AGTPBP1: variants seen among roughly 807,000 people sequenced by gnomAD.
AGTPBP1 encodes the protein ATP/GTP binding carboxypeptidase 1.
In AGTPBP1, 70 loss-of-function variants were observed where a neutral mutation model predicts 143.9. The observed-to-expected ratio is 0.49, with a 90% confidence interval of 0.40 to 0.59. The LOEUF is 0.59. Ranked by LOEUF, AGTPBP1 falls within the 20% of genes least tolerant of loss-of-function variation. The probability of loss-of-function intolerance (pLI) is 0.00; values close to 1 mark genes in which losing one functional copy is unlikely to be tolerated. For missense variants in AGTPBP1, 1,229 were observed against 1,464.5 expected, an observed-to-expected ratio of 0.84 and a Z score of 2.62; for synonymous variants, 463 against 500.2, an observed-to-expected ratio of 0.93 and a Z score of 0.99.
chr9:85,629,348 GA>G (rs1831510216), intron 14 of AGTPBP1, among the ~76,000 whole-genome samples: 1 of 152,192 alleles, frequency 6.6e-6, no homozygotes, highest in Non-Finnish European at 1.5e-5. Flanking sequence ...CCATGTTTCA[GA>G]AACAAGGTGA....
At chr9:85,660,910 A>T in intron 9 of AGTPBP1, 26 bp downstream of exon 9, 1 of 1,489,554 alleles carries the variant, frequency 6.7e-7, no homozygotes, top group Non-Finnish European at 9.1e-7. Flanking sequence ...AATAGTATCT[A>T]GTATTTCTAG....
the AGTPBP1 span, among the ~76,000 whole-genome samples, chr9:85,798,331 C>T: frequency 6.7e-6 from 1 of 150,074 alleles, no homozygotes; most frequent in Non-Finnish European, 1.5e-5. Context: ...TGTTTTCTGG[C>T]TTTCTGTACT....
chr9:85,665,867 T>G (rs1834100222), intron 8 of AGTPBP1, among the ~76,000 whole-genome samples: 1 of 152,172 alleles, frequency 6.6e-6, no homozygotes, highest in Non-Finnish European at 1.5e-5. Flanking sequence ...TTTTACCAAA[T>G]GTTATTTAAG....
At chr9:85,769,441 C>T in the AGTPBP1 span, among the ~76,000 whole-genome samples, 4 of 149,388 alleles carry the variant, frequency 2.7e-5, no homozygotes, top group Non-Finnish European at 5.9e-5. Context: ...GTCCCAGCTA[C>T]TCAGGAGGGC....
rs143330687 is a variant in AGTPBP1, at chr9:85,721,614, C to G, written c.-33-9048G>C. On this transcript the variant is annotated intron_variant, in intron 1 of 25. Transcript: ENST00000357081. Reference sequence around the variant, plus strand: ...AATACAGCACACAAATGGGTCTTGACTCTTTATCCAATTTGCCAGTCTATG... The same window carrying G: ...AATACAGCACACAAATGGGTCTTGAGTCTTTATCCAATTTGCCAGTCTATG... 4.5e-4 allele frequency among the ~76,000 whole-genome samples: 68 copies of G among 151,820 alleles called. 1 individual carries two copies. In the East Asian group the frequency reaches 0.011, roughly 26 times the overall value.
At chr9:85,738,349 T>C (rs1269095807) in intron 1 of AGTPBP1, among the ~76,000 whole-genome samples, 1 of 151,882 alleles carries the variant, frequency 6.6e-6, no homozygotes, top group East Asian at 1.9e-4. Flanking sequence ...CTAGGAAAAT[T>C]ATATGAAAGC....
At chr9:85,799,049 TC>T in the AGTPBP1 span, among the ~76,000 whole-genome samples, 1 of 152,168 alleles carries the variant, frequency 6.6e-6, no homozygotes, top group Non-Finnish European at 1.5e-5. Flanking sequence ...TTCTCATTGT[TC>T]AATTCCCATC....
rs750960791 is a variant in AGTPBP1 at position 85,633,159 on chromosome 9, A to G, written c.1518T>C (p.Asp506=). 5 of 1,613,546 alleles carry G rather than the reference A, an allele frequency of 3.1e-6. No homozygotes were observed. Among genetic ancestry groups the G allele is most frequent in the Middle Eastern group, 1.6e-4 (1 of 6,078 alleles). The part of the protein sequence containing the change: ...DLAKEDIKDN[D]RTLQQQPGDQ... ...CACCTGGCTGCTGTTGTAATGTTCT[A>G]TCATTATCTTTAATATCTTCTTTTG... is the stretch of plus-strand genomic sequence containing the variant. Residue 506 remains aspartate, a synonymous_variant, in exon 14 of 26, where the codon GAT becomes GAC. Coordinates refer to ENST00000357081, the MANE Select transcript of AGTPBP1 (RefSeq NM_001330701.2).
At chr9:85,685,458 G>A (rs560162980) in intron 3 of AGTPBP1, among the ~76,000 whole-genome samples, 103 of 152,036 alleles carry the variant, frequency 6.8e-4, no homozygotes, top group Non-Finnish European at 1.2e-3. Flanking sequence ...ATAAAATGGT[G>A]GAAACACAAT....
At chr9:85,694,058 G>A (rs1836069565) in intron 2 of AGTPBP1, among the ~76,000 whole-genome samples, 1 of 140,900 alleles carries the variant, frequency 7.1e-6, no homozygotes, top group African/African-American at 2.7e-5. Flanking sequence ...GGTAGGCATG[G>A]GAGAGAACAG....
intron 8 of AGTPBP1, among the ~76,000 whole-genome samples, chr9:85,666,643 C>T (rs1053174871): frequency 6.6e-6 from 1 of 151,976 alleles, no homozygotes; most frequent in African/African-American, 2.4e-5. Context: ...TTTGGATATA[C>T]CCCATGTGGT....
chr9:85,674,949 T>C (rs945137140), intron 6 of AGTPBP1, among the ~76,000 whole-genome samples: 1 of 152,020 alleles, frequency 6.6e-6, no homozygotes. Flanking sequence ...CAAGCTGGAG[T>C]GCAGTGGTAC....
At chr9:85,610,089 G>A (rs1830225670) in intron 17 of AGTPBP1, among the ~76,000 whole-genome samples, 1 of 152,184 alleles carries the variant, frequency 6.6e-6, no homozygotes, top group Admixed American at 6.5e-5. Flanking sequence ...TGGGCAAAGC[G>A]GTGAGAATGC....
rs1481375215 is a variant in AGTPBP1, at chr9:85,646,436, C to T, written c.1088-18G>A. On this transcript the variant is annotated intron_variant, in intron 11 of 25. Transcript: ENST00000357081. Reference sequence around the variant, plus strand: ...GTCATCCACTATGATACAAAATGTGCTATAAGTAGGTCAGAGGTAAGCATT... The same window carrying T: ...GTCATCCACTATGATACAAAATGTGTTATAAGTAGGTCAGAGGTAAGCATT... 1.9e-6 allele frequency: 3 copies of T among 1,593,206 alleles called. No homozygotes were observed. In the African/African-American group the frequency reaches 4.0e-5, roughly 21 times the overall value.
chr9:85,777,639 G>A, the AGTPBP1 span, among the ~76,000 whole-genome samples: 1 of 152,214 alleles, frequency 6.6e-6, no homozygotes, highest in African/African-American at 2.4e-5. Context: ...ATCCGTTGGT[G>A]AGCACTCACT....
At chr9:85,642,757 A>G in intron 13 of AGTPBP1, 70 bp downstream of exon 13, 1 of 1,187,322 alleles carries the variant, frequency 8.4e-7, no homozygotes, top group South Asian at 1.3e-5. Context: ...AACAGTGATT[A>G]TCGACCTAAG....
chr9:85,720,181 G>T (rs1838009942), intron 1 of AGTPBP1, among the ~76,000 whole-genome samples: 2 of 152,208 alleles, frequency 1.3e-5, no homozygotes, highest in South Asian at 4.1e-4. Flanking sequence ...CTCATAAAAT[G>T]AGTTAGGGAG....
chr9:85,711,704 T>C (rs1440793675), intron 2 of AGTPBP1, among the ~76,000 whole-genome samples: 1 of 152,082 alleles, frequency 6.6e-6, no homozygotes, highest in Non-Finnish European at 1.5e-5. Context: ...CCTCCCAAAG[T>C]GCTGAGATTA....
intron 17 of AGTPBP1, among the ~76,000 whole-genome samples, chr9:85,609,962 A>G (rs922324660): frequency 3.3e-5 from 5 of 152,198 alleles, no homozygotes; most frequent in Non-Finnish European, 7.3e-5. Flanking sequence ...GGAAAGCCAC[A>G]CACCTAAATA....
Sources: gnomAD v4.1 joint callset for allele counts (sites outside exome capture counted in the v4.1 genomes callset) on GRCh38, gnomAD v4.1.1 for gene constraint, MANE v1.5 for transcripts, NCBI Gene and HGNC (gene_info 2026-07-23, HGNC 2026-07-21) for gene names.